The following AAMDC variants were observed in gnomAD, a reference collection of about 807,000 sequenced individuals.
AAMDC encodes adipogenesis associated Mth938 domain containing.
In AAMDC, 16 loss-of-function variants were observed where a neutral mutation model predicts 15.5. The observed-to-expected ratio is 1.03, with a 90% CI of 0.70 to 1.57. The LOEUF is 1.57. Ranked by LOEUF, AAMDC falls within the 40% of genes most tolerant of loss-of-function variation. The pLI, the probability that AAMDC is intolerant of heterozygous loss-of-function variation, is 0.00. For synonymous variants in AAMDC, 51 were observed against 51.6 expected, an observed-to-expected ratio of 0.99 and a Z score of 0.05; for missense variants, 141 against 144.9, an observed-to-expected ratio of 0.97 and a Z score of 0.14.
intron 1 of AAMDC, among the ~76,000 whole-genome samples, chr11:77,821,498 G>C (rs1326211621): frequency 6.6e-6 from 1 of 152,138 alleles, no homozygotes; most frequent in Non-Finnish European, 1.5e-5. Context: ...AGCAGGATCT[G>C]AGGGAACGGA....
intron 1 of AAMDC, among the ~76,000 whole-genome samples, chr11:77,840,054 G>A (rs1466293673): frequency 6.6e-6 from 1 of 151,604 alleles, no homozygotes; most frequent in Non-Finnish European, 1.5e-5. Context: ...TTGATAGCAT[G>A]TTATCATTTC....
At chr11:77,891,904 C>T in intron 5 of AAMDC, 1 of 1,602,326 alleles carries the variant, frequency 6.2e-7, no homozygotes, top group Non-Finnish European at 8.5e-7. Context: ...CAGGCTGGGC[C>T]CCAGACACCT....
At chr11:77,883,525 T>G (rs1951873607) in intron 5 of AAMDC, among the ~76,000 whole-genome samples, 1 of 152,158 alleles carries the variant, frequency 6.6e-6, no homozygotes, top group African/African-American at 2.4e-5. Context: ...TCGGTGGCAG[T>G]TAGGATAAGA....
intron 1 of AAMDC, among the ~76,000 whole-genome samples, chr11:77,838,896 G>C (rs529951014): frequency 6.6e-5 from 10 of 152,098 alleles, no homozygotes; most frequent in Admixed American, 3.9e-4. Flanking sequence ...GATTACAGGC[G>C]TGAGCCACCG....
intron 1 of AAMDC, among the ~76,000 whole-genome samples, chr11:77,822,754 A>C (rs1948977028): frequency 6.6e-6 from 1 of 152,210 alleles, no homozygotes; most frequent in African/African-American, 2.4e-5. Context: ...GTTCTTTTGA[A>C]ACTTGGCAAA....
Position 77,842,593 on chromosome 11 carries a change from A to G in AAMDC, c.97A>G (p.Ser33Gly). Residue 33 changes from serine (S) to glycine (G), a missense_variant, in exon 2 of 4, where the codon AGT (serine) becomes GGT (glycine). Ser to Gly is a moderately conservative substitution (Grantham distance 56). Coordinates refer to ENST00000393427, the MANE Select transcript of AAMDC (RefSeq NM_024684.4). The part of the protein sequence containing the change: ...YKDCKVWPGG[S>G]RTWDWRETGT... ...GGACTGCAAAGTATGGCCAGGGGGT[A>G]GTCGGACTTGGGATTGGAGAGAAAC... 2 of 1,613,994 alleles carry G rather than the reference A, an allele frequency of 1.2e-6. No individual in the cohort carries two copies. The highest frequency in any genetic ancestry group is 8.5e-7 in the Non-Finnish European group (1 of 1,179,950).
chr11:77,879,015 G>A (rs1249938787), intron 5 of AAMDC: 8 of 1,614,002 alleles, frequency 5.0e-6, no homozygotes, highest in Middle Eastern at 1.6e-4. Flanking sequence ...TGGTGCCCTC[G>A]ATGCTGGTTT....
chr11:77,844,651 C>T (rs576070048), intron 2 of AAMDC, among the ~76,000 whole-genome samples: 71 of 152,292 alleles, frequency 4.7e-4, no homozygotes, highest in African/African-American at 1.7e-3. Context: ...CATGAGCCAT[C>T]ATGCCCAGCC....
chr11:77,837,757 T>C (rs1249815213), intron 1 of AAMDC, among the ~76,000 whole-genome samples: 1 of 152,068 alleles, frequency 6.6e-6, no homozygotes, highest in Non-Finnish European at 1.5e-5. Context: ...ATTTTTTAGA[T>C]GGACATTCAG....
intron 2 of AAMDC, among the ~76,000 whole-genome samples, chr11:77,861,113 G>A (rs373074989): frequency 5.7e-4 from 87 of 151,868 alleles, no homozygotes; most frequent in Middle Eastern, 3.4e-3. Flanking sequence ...TTTTTTGCTC[G>A]TCCATATTGT....
At chr11:77,829,485 C>T (rs1949323959) in intron 1 of AAMDC, among the ~76,000 whole-genome samples, 1 of 152,138 alleles carries the variant, frequency 6.6e-6, no homozygotes, top group Non-Finnish European at 1.5e-5. Context: ...TTAAAATAAA[C>T]ATACCAAGAC....
intron 1 of AAMDC, among the ~76,000 whole-genome samples, chr11:77,840,488 C>A (rs1216985023): frequency 1.3e-5 from 2 of 152,158 alleles, no homozygotes; most frequent in Non-Finnish European, 2.9e-5. Context: ...AAGATCGCAC[C>A]ACTGCACTCC....
chr11:77,870,054 A>AG (rs1356351355), intron 3 of AAMDC: 2 of 332,540 alleles, frequency 6.0e-6, no homozygotes, highest in Non-Finnish European at 1.1e-5. Flanking sequence ...AAGTTCTACA[A>AG]GGATCACTAT....
At chr11:77,890,232 T>A (rs1041565792) in intron 5 of AAMDC, among the ~76,000 whole-genome samples, 2 of 152,222 alleles carry the variant, frequency 1.3e-5, no homozygotes, top group African/African-American at 2.4e-5. Context: ...GGTCTCATAA[T>A]TTTTAATAAT....
chr11:77,877,028 A>G (rs1590986399), downstream of AAMDC: 3 of 703,150 alleles, frequency 4.3e-6, no homozygotes, highest in Non-Finnish European at 7.8e-6. Context: ...TTCATGGCAC[A>G]TCCTTGAGAG....
downstream of AAMDC, among the ~76,000 whole-genome samples, chr11:77,904,060 A>G (rs1372186137): frequency 6.6e-6 from 1 of 152,158 alleles, no homozygotes; most frequent in African/African-American, 2.4e-5. Context: ...CACTTTATCA[A>G]CATATTCAAC....
At chr11:77,878,824 G>A (rs1000645865) in intron 5 of AAMDC, 5 of 783,588 alleles carry the variant, frequency 6.4e-6, no homozygotes, top group Middle Eastern at 2.3e-4. Context: ...GATACCAGAT[G>A]AGACTGTAAG....
At chr11:77,879,262 C>T (rs1353873387) in intron 5 of AAMDC, 3 of 894,202 alleles carry the variant, frequency 3.4e-6, no homozygotes, top group Non-Finnish European at 3.3e-6. Context: ...CCTCCCCTTA[C>T]CCTCACCAAA....
intron 1 of AAMDC, among the ~76,000 whole-genome samples, chr11:77,839,643 AG>A (rs1220280711): frequency 6.6e-6 from 1 of 152,248 alleles, no homozygotes; most frequent in Non-Finnish European, 1.5e-5. Context: ...GCAACCATAA[AG>A]GGGAACAAGA....
Sources: gnomAD v4.1 joint callset for allele counts (sites outside exome capture counted in the v4.1 genomes callset) on GRCh38, gnomAD v4.1.1 for gene constraint, MANE v1.5 for transcripts, NCBI Gene and HGNC (gene_info 2026-07-23, HGNC 2026-07-21) for gene names.